MDGA2: variants seen among roughly 807,000 people sequenced by gnomAD.
MDGA2 encodes MAM domain containing glycosylphosphatidylinositol anchor 2.
A neutral mutation model predicts 117.8 loss-of-function variants in MDGA2; 40 were observed. The ratio of observed to expected loss-of-function variants is 0.34; its 90% confidence interval spans 0.26 to 0.44. The LOEUF is 0.44. Ranked by LOEUF, MDGA2 falls within the 20% of genes least tolerant of loss-of-function variation. The pLI is 1.00. For missense variants in MDGA2, 1,123 were observed against 1,250.6 expected (o/e 0.90, Z 1.54); for synonymous variants, 452 against 439.0 (o/e 1.03, Z -0.37).
chr14:47,479,406 A>G (rs1240498831), intron 1 of MDGA2, among the ~76,000 whole-genome samples: 1 of 152,124 alleles, frequency 6.6e-6, no homozygotes, highest in African/African-American at 2.4e-5. Flanking sequence ...AATTTGAAAT[A>G]GATAACATCT....
intron 1 of MDGA2, among the ~76,000 whole-genome samples, chr14:47,553,132 C>T (rs7141896): frequency 0.62 from 93,728 of 152,180 alleles, 30,158 homozygotes; most frequent in East Asian, 0.98. Context: ...TCTGTGCCAC[C>T]TCGTTGATTT....
intron 15 of MDGA2, among the ~76,000 whole-genome samples, chr14:46,847,581 A>G (rs1166608488): frequency 3.3e-5 from 5 of 151,998 alleles, no homozygotes; most frequent in Non-Finnish European, 5.9e-5. Context: ...AGACTTTTTA[A>G]CAGTCCTTTA....
chr14:47,093,761 A>T (rs190508639), intron 6 of MDGA2, among the ~76,000 whole-genome samples: 7 of 152,258 alleles, frequency 4.6e-5, no homozygotes, highest in African/African-American at 1.7e-4. Context: ...AGAATAAAGA[A>T]TTCTGAAATG....
chr14:47,531,128 C>T (rs1194472139), intron 1 of MDGA2, among the ~76,000 whole-genome samples: 3 of 151,974 alleles, frequency 2.0e-5, no homozygotes, highest in African/African-American at 7.3e-5. Context: ...GCCTGTAGTC[C>T]CAGCTACTCG....
chr14:46,879,683 A>T (rs1484734401), intron 11 of MDGA2, among the ~76,000 whole-genome samples: 2 of 152,110 alleles, frequency 1.3e-5, no homozygotes, highest in Admixed American at 6.6e-5. Context: ...AGAAGTAAAG[A>T]TCTTCTCTAA....
At chr14:47,033,269 G>A (rs1478953745) in intron 8 of MDGA2, among the ~76,000 whole-genome samples, 1 of 152,174 alleles carries the variant, frequency 6.6e-6, no homozygotes. Flanking sequence ...CAGAGATTCT[G>A]ATTTCTTGAA....
chr14:47,379,939 G>A lies in MDGA2; in HGVS notation c.281-78389C>T, dbSNP rs76811560. ...TATACATTCTTCTCACTACCACGTC[G>A]CACTTATATCAAAATTGACCACATT... On this transcript the variant is annotated intron_variant, in intron 1 of 16. Transcript: ENST00000399232. 3.0e-3 allele frequency among the ~76,000 whole-genome samples: 462 copies of A among 152,102 alleles called. 3 individuals are homozygous for A. Among genetic ancestry groups the A allele is most frequent in the African/African-American group, 0.01 (427 of 41,478 alleles).
chr14:47,516,146 T>C (rs17118838), intron 1 of MDGA2, among the ~76,000 whole-genome samples: 3,235 of 152,306 alleles, frequency 0.021, 59 homozygotes, highest in Non-Finnish European at 0.035. Flanking sequence ...GTGATGCTTA[T>C]GTCCCCTGTT....
At chr14:46,938,065 C>T (rs1008429739) in intron 9 of MDGA2, among the ~76,000 whole-genome samples, 13 of 152,090 alleles carry the variant, frequency 8.5e-5, no homozygotes, top group African/African-American at 3.1e-4. Flanking sequence ...CAGGGAATTA[C>T]TATCCAGAAA....
At chr14:47,613,655 C>G (rs1450107672) in intron 1 of MDGA2, among the ~76,000 whole-genome samples, 1 of 152,104 alleles carries the variant, frequency 6.6e-6, no homozygotes, top group East Asian at 1.9e-4. Context: ...GTTATCTGCA[C>G]ATACATTTAT....
intron 1 of MDGA2, among the ~76,000 whole-genome samples, chr14:47,469,924 T>C (rs1413016582): frequency 2.0e-5 from 3 of 152,074 alleles, no homozygotes; most frequent in Admixed American, 1.3e-4. Flanking sequence ...AGAAACTGGG[T>C]ATCTGCTATC....
intron 1 of MDGA2, among the ~76,000 whole-genome samples, chr14:47,594,200 T>G (rs879602969): frequency 6.6e-6 from 1 of 152,204 alleles, no homozygotes; most frequent in Admixed American, 6.5e-5. Context: ...AAAGAATTTC[T>G]GATTTTGTGT....
At chr14:47,540,012 TTTTC>T (rs762535950) in intron 1 of MDGA2, among the ~76,000 whole-genome samples, 2 of 152,014 alleles carry the variant, frequency 1.3e-5, no homozygotes, top group Non-Finnish European at 2.9e-5. Context: ...CATCCACTCA[TTTTC>T]TTTTTCTTTT....
chr14:46,900,201 G>C (rs1883231370), intron 10 of MDGA2, among the ~76,000 whole-genome samples: 1 of 152,100 alleles, frequency 6.6e-6, no homozygotes, highest in Non-Finnish European at 1.5e-5. Context: ...TGAAAATAGT[G>C]AAAACGACAA....
chr14:47,347,460 G>A (rs1179120056), intron 1 of MDGA2, among the ~76,000 whole-genome samples: 1 of 152,148 alleles, frequency 6.6e-6, no homozygotes. Context: ...GTAATAACGG[G>A]CATAAAGGAA....
intron 8 of MDGA2, among the ~76,000 whole-genome samples, chr14:46,980,866 C>A (rs1436576479): frequency 5.3e-5 from 8 of 152,136 alleles, no homozygotes. Flanking sequence ...TATAATGTAA[C>A]TATAAATTTA....
rs749792680 is a variant in MDGA2 at position 47,035,081 on chromosome 14, T to C, written c.1749A>G (p.Arg583=). 5 of 1,614,160 alleles carry C rather than the reference T, an allele frequency of 3.1e-6. No homozygotes were observed. The highest frequency in any genetic ancestry group is 4.2e-6 in the Non-Finnish European group (5 of 1,180,016). ...ATCCATTGTATTGGCTGGTCTGACATCTGTACATTCCTGACATTTCCCTAG... is the reference window on the plus strand; with the variant it reads ...ATCCATTGTATTGGCTGGTCTGACACCTGTACATTCCTGACATTTCCCTAG... ...NVSREMSGMY[R]CQTSQYNGFN... The change falls in exon 8 of 17, where the codon AGA becomes AGG. Residue 583 remains arginine, a synonymous_variant. Coordinates refer to ENST00000399232, the MANE Select transcript of MDGA2 (RefSeq NM_001113498.3).
intron 1 of MDGA2, among the ~76,000 whole-genome samples, chr14:47,370,317 A>AC (rs1203387670): frequency 6.6e-6 from 1 of 151,042 alleles, no homozygotes; most frequent in Admixed American, 6.6e-5. Context: ...TTGAATAAAA[A>AC]AAAAAGCAGA....
Position 47,362,195 on chromosome 14 carries a change from A to C in MDGA2, c.281-60645T>G, listed in dbSNP as rs200104368. Among the ~76,000 whole-genome samples, 4 of 152,202 alleles carry C rather than the reference A, an allele frequency of 2.6e-5. No individual in the cohort carries two copies. The East Asian group carries it at 5.8e-4, about 22-fold the overall frequency. On this transcript the variant is annotated intron_variant, in intron 1 of 16. Coordinates refer to ENST00000399232, the MANE Select transcript of MDGA2 (RefSeq NM_001113498.3). The stretch of plus-strand genomic sequence containing the variant: ...TTGCATTACTGATTGAATCTCATAA[A>C]GGGAATATAGACATCTTCATGGATT...
Sources: allele counts gnomAD v4.1 joint callset (sites outside exome capture counted in the v4.1 genomes callset), GRCh38; gene constraint gnomAD v4.1.1; transcripts MANE v1.5; gene names NCBI Gene and HGNC (gene_info 2026-07-23, HGNC 2026-07-21).